MAMDC2: variants seen among roughly 807,000 people sequenced by gnomAD.
MAMDC2 encodes MAM domain containing 2.
Under a neutral mutation model 89.8 loss-of-function variants are expected in MAMDC2, and 57 were observed. The observed-to-expected ratio is 0.63, with a 90% confidence interval of 0.51 to 0.79. MAMDC2 has a LOEUF of 0.79. Ranked by LOEUF, MAMDC2 falls within the 30% of genes least tolerant of loss-of-function variation. MAMDC2 has a pLI of 0.00. For synonymous variants in MAMDC2, 313 were observed against 293.4 expected, an observed-to-expected ratio of 1.07 and a Z score of -0.68; for missense variants, 800 against 820.6, an observed-to-expected ratio of 0.97 and a Z score of 0.31.
intron 9 of MAMDC2, among the ~76,000 whole-genome samples, chr9:70,152,905 C>T (rs139755971): frequency 1.1e-4 from 17 of 152,256 alleles, no homozygotes; most frequent in Non-Finnish European, 2.1e-4. Flanking sequence ...AGTACCCACA[C>T]ATATCATTTA....
intron 2 of MAMDC2, among the ~76,000 whole-genome samples, chr9:70,057,376 T>G (rs1015168640): frequency 6.6e-6 from 1 of 152,206 alleles, no homozygotes; most frequent in Non-Finnish European, 1.5e-5. Flanking sequence ...TGAGAGAGGA[T>G]GAGGGTGACC....
chr9:70,102,642 T>A (rs1828226267), intron 2 of MAMDC2, among the ~76,000 whole-genome samples: 1 of 152,234 alleles, frequency 6.6e-6, no homozygotes, highest in Admixed American at 6.5e-5. Context: ...CCAGGGCACG[T>A]GGAGTCTGTA....
intron 9 of MAMDC2, among the ~76,000 whole-genome samples, chr9:70,166,346 T>C (rs1259168941): frequency 1.3e-5 from 2 of 150,370 alleles, no homozygotes; most frequent in Admixed American, 1.3e-4. Context: ...CACATATATA[T>C]ACACACACAC....
chr9:70,218,749 C>T (rs2033497881), intron 12 of MAMDC2, among the ~76,000 whole-genome samples, 153 bp downstream of exon 12: 1 of 152,148 alleles, frequency 6.6e-6, no homozygotes, highest in Non-Finnish European at 1.5e-5. Flanking sequence ...TTAGTCTATA[C>T]ATTGATTAAA....
chr9:70,122,183 T>G (rs2030315492), intron 5 of MAMDC2, among the ~76,000 whole-genome samples: 1 of 152,190 alleles, frequency 6.6e-6, no homozygotes, highest in Non-Finnish European at 1.5e-5. Context: ...TGCGGTCTAG[T>G]CTGGTGGTTC....
At chr9:70,166,276 T>TACACAC (rs567995952) in intron 9 of MAMDC2, among the ~76,000 whole-genome samples, 143 of 139,164 alleles carry the variant, frequency 1.0e-3, no homozygotes, top group South Asian at 2.5e-3. Flanking sequence ...TATATATATA[T>TACACAC]ACACACACAC....
intron 8 of MAMDC2, among the ~76,000 whole-genome samples, chr9:70,142,597 T>C (rs1489054706): frequency 6.6e-6 from 1 of 152,204 alleles, no homozygotes; most frequent in African/African-American, 2.4e-5. Flanking sequence ...CTGGAGGCTG[T>C]GAGTTCAAAA....
intron 11 of MAMDC2, among the ~76,000 whole-genome samples, chr9:70,176,076 G>C (rs1195885371): frequency 1.3e-5 from 2 of 152,200 alleles, no homozygotes; most frequent in Non-Finnish European, 2.9e-5. Context: ...AGGGCAATGG[G>C]TTGAACATTG....
At chr9:70,189,276 T>G (rs1030463293) in intron 11 of MAMDC2, among the ~76,000 whole-genome samples, 1 of 152,168 alleles carries the variant, frequency 6.6e-6, no homozygotes, top group Non-Finnish European at 1.5e-5. Flanking sequence ...TGTCCTAAGT[T>G]CCCTTTTGTT....
At chr9:70,062,028 A>G (rs1244727111) in intron 2 of MAMDC2, among the ~76,000 whole-genome samples, 3 of 152,226 alleles carry the variant, frequency 2.0e-5, no homozygotes, top group Non-Finnish European at 4.4e-5. Context: ...AAGAATGGCC[A>G]GAGTCCAGCT....
At chr9:70,173,158 G>T (rs2032402033) in intron 11 of MAMDC2, among the ~76,000 whole-genome samples, 1 of 152,028 alleles carries the variant, frequency 6.6e-6, no homozygotes, top group Non-Finnish European at 1.5e-5. Context: ...TCCTGTCATG[G>T]CAACACAGTG....
At chr9:70,112,692 C>T (rs1185003610) in intron 4 of MAMDC2, among the ~76,000 whole-genome samples, 2 of 152,112 alleles carry the variant, frequency 1.3e-5, no homozygotes, top group African/African-American at 4.8e-5. Context: ...GAAGTGGGAA[C>T]ATTGTCCCCA....
rs759338276 is a variant in MAMDC2 at position 70,108,271 on chromosome 9, G to A, written c.209G>A (p.Ser70Asn). ...CAGGGGGAGAAAGCTGTGCTGCTAA[G>A]TCCTGACTTACAGGCTGAGGAATGG... ...GKQGEKAVLLSPDLQAEEWSC... is the reference protein window; with the variant it reads ...GKQGEKAVLLNPDLQAEEWSC... The change falls in exon 3 of 14, where the codon AGT becomes AAT. Residue 70 changes from serine (S) to asparagine (N), a missense_variant. Transcript: ENST00000377182. The A allele has an allele frequency of 6.2e-7, 1 of 1,613,872 alleles. No individual in the cohort carries two copies. Among genetic ancestry groups the A allele is most frequent in the Non-Finnish European group, 8.5e-7 (1 of 1,179,884 alleles).
chr9:70,099,758 T>C (rs1258965060), intron 2 of MAMDC2, among the ~76,000 whole-genome samples: 1 of 152,054 alleles, frequency 6.6e-6, no homozygotes, highest in Non-Finnish European at 1.5e-5. Flanking sequence ...GTGGATCACC[T>C]GAGGTCAGTA....
chr9:70,056,474 G>A (rs568463427), intron 2 of MAMDC2, among the ~76,000 whole-genome samples: 10 of 152,174 alleles, frequency 6.6e-5, no homozygotes, highest in African/African-American at 2.2e-4. Context: ...TTAAACTTTA[G>A]TATCTTTGTT....
chr9:70,086,339 A>G (rs1827770204), intron 2 of MAMDC2: 1 of 152,158 alleles, frequency 6.6e-6, no homozygotes, highest in Admixed American at 6.6e-5. Context: ...GCGAATCCAT[A>G]TTAATTTAGA....
At chr9:70,129,764 G>A (rs974878832) in intron 6 of MAMDC2, among the ~76,000 whole-genome samples, 4 of 152,156 alleles carry the variant, frequency 2.6e-5, no homozygotes, top group Admixed American at 6.5e-5. Flanking sequence ...ATTAGGCCTC[G>A]TATTTGTTTG....
chr9:70,115,760 G>C (rs1036256968), intron 5 of MAMDC2, among the ~76,000 whole-genome samples: 1 of 152,186 alleles, frequency 6.6e-6, no homozygotes, highest in Non-Finnish European at 1.5e-5. Flanking sequence ...TCTGTGTAGA[G>C]TGAATGATAA....
At chr9:70,210,534 T>C (rs10780898) in intron 11 of MAMDC2, among the ~76,000 whole-genome samples, 119,195 of 152,080 alleles carry the variant, frequency 0.78, 46,857 homozygotes, top group Admixed American at 0.83. Flanking sequence ...TGTCTTTGCA[T>C]GTGAGATGGG....
Sources: allele counts gnomAD v4.1 joint callset (sites outside exome capture counted in the v4.1 genomes callset), GRCh38; gene constraint gnomAD v4.1.1; transcripts MANE v1.5; gene names NCBI Gene and HGNC (gene_info 2026-07-23, HGNC 2026-07-21).